SLC15A5: variants seen among roughly 807,000 people sequenced by gnomAD.
SLC15A5 encodes the protein solute carrier family 15 member 5.
A neutral mutation model predicts 56.1 loss-of-function variants in SLC15A5; 58 were observed. The ratio of observed to expected loss-of-function variants is 1.03; its 90% confidence interval spans 0.84 to 1.29. The LOEUF (loss-of-function observed/expected upper bound fraction) is 1.29, where lower values mean the gene tolerates loss of function less well. Among genes scored for constraint, SLC15A5 ranks in the 50% most tolerant of loss-of-function variants. SLC15A5 has a pLI of 0.00. For synonymous variants in SLC15A5, 264 were observed against 250.5 expected (o/e 1.05, Z -0.51); for missense variants, 681 against 672.1 (o/e 1.01, Z -0.15).
chr12:16,200,585 T>C (rs529298955), intron 7 of SLC15A5, among the ~76,000 whole-genome samples: 1 of 152,160 alleles, frequency 6.6e-6, no homozygotes, highest in East Asian at 1.9e-4. Flanking sequence ...CTTACAGAAG[T>C]TTCAATAACA....
Position 16,194,367 on chromosome 12 carries a change from C to T in SLC15A5, c.1570G>A (p.Gly524Arg), listed in dbSNP as rs1164936690. Residue 524 changes from glycine to arginine, a missense_variant, in exon 8 of 9, where the codon GGA (glycine) becomes AGA (arginine). Physicochemically the swap from Gly to Arg is moderately radical, Grantham distance 125. Coordinates refer to ENST00000344941, the MANE Select transcript of SLC15A5 (RefSeq NM_001170798.1). The part of the protein sequence containing the change: ...LASLTLLNVL[G>R]FCSVSQRYCN... Reference sequence around the variant, plus strand: ...TACCTTTGTGAAACACTGCAGAATCCCAGGACGTTCAACAATGTTAATGAT... The same window carrying T: ...TACCTTTGTGAAACACTGCAGAATCTCAGGACGTTCAACAATGTTAATGAT... 1 of 1,533,996 alleles carries T rather than the reference C, an allele frequency of 6.5e-7. No individual in the cohort carries two copies. The highest frequency in any genetic ancestry group is 1.2e-5 in the South Asian group (1 of 83,766).
chr12:16,233,826 A>G (rs1864322513), intron 5 of SLC15A5, among the ~76,000 whole-genome samples: 1 of 152,174 alleles, frequency 6.6e-6, no homozygotes, highest in South Asian at 2.1e-4. Context: ...CAGAATCTGC[A>G]TTTAAACTAG....
chr12:16,194,549 A>G, intron 7 of SLC15A5, 96 bp from the exon 8 acceptor site: 2 of 762,846 alleles, frequency 2.6e-6, no homozygotes, highest in Middle Eastern at 2.8e-4. Flanking sequence ...TGTTCGCTTC[A>G]GTAATATCCA....
At chr12:16,266,517 A>G (rs1397445851) in intron 2 of SLC15A5, among the ~76,000 whole-genome samples, 1 of 152,248 alleles carries the variant, frequency 6.6e-6, no homozygotes, top group Non-Finnish European at 1.5e-5. Context: ...ATGTATTTTA[A>G]CAAATGCCAC....
intron 7 of SLC15A5, among the ~76,000 whole-genome samples, chr12:16,197,189 G>A (rs1048988039): frequency 6.6e-6 from 1 of 151,760 alleles, no homozygotes; most frequent in African/African-American, 2.4e-5. Context: ...TTTTTAGCAT[G>A]TGGCTTTCTT....
At chr12:16,221,890 G>C (rs1315452952) in intron 6 of SLC15A5, among the ~76,000 whole-genome samples, 1 of 152,084 alleles carries the variant, frequency 6.6e-6, no homozygotes, top group Non-Finnish European at 1.5e-5. Flanking sequence ...TGAGAGGAAA[G>C]AGATGGATCT....
At chr12:16,245,607 T>A (rs1412884412) in intron 3 of SLC15A5, among the ~76,000 whole-genome samples, 2 of 152,198 alleles carry the variant, frequency 1.3e-5, no homozygotes, top group African/African-American at 4.8e-5. Context: ...AGGCAGCAGT[T>A]CAGCTGTGCT....
chr12:16,194,801 G>C (rs1863878049), intron 7 of SLC15A5, among the ~76,000 whole-genome samples: 1 of 152,124 alleles, frequency 6.6e-6, no homozygotes, highest in East Asian at 1.9e-4. Flanking sequence ...TTAGAACAGT[G>C]CCTGGCATGT....
intron 2 of SLC15A5, 58 bp from the exon 3 acceptor site, chr12:16,257,928 T>C: frequency 7.8e-7 from 1 of 1,285,238 alleles, no homozygotes; most frequent in South Asian, 2.4e-5. Context: ...AGATAACTAT[T>C]GCTAATTTTA....
At chr12:16,252,721 A>G (rs1864531785) in intron 3 of SLC15A5, among the ~76,000 whole-genome samples, 1 of 152,126 alleles carries the variant, frequency 6.6e-6, no homozygotes, top group African/African-American at 2.4e-5. Context: ...TAAAATGTCC[A>G]TACTAGCCAA....
At chr12:16,270,171 A>T (rs1196867711) in intron 2 of SLC15A5, among the ~76,000 whole-genome samples, 2 of 152,112 alleles carry the variant, frequency 1.3e-5, no homozygotes, top group Non-Finnish European at 2.9e-5. Context: ...TGGCAGCTTT[A>T]CTCGGAAGTG....
In SLC15A5 at chr12:16,234,471, C is replaced by T. The variant is rs74065817; in HGVS notation, c.1162+5210G>A. 6.2e-3 allele frequency among the ~76,000 whole-genome samples: 943 copies of T among 152,218 alleles called. 11 individuals are homozygous for T. The highest frequency in any genetic ancestry group is 0.019 in the African/African-American group (799 of 41,540). ...TAAAATTTAAAGCAAACTTTGATTC[C>T]GACCTAAATTTAATCCACTCCATTT... On this transcript the variant is annotated intron_variant, in intron 5 of 8. Coordinates refer to ENST00000344941, the MANE Select transcript of SLC15A5 (RefSeq NM_001170798.1).
At position 16,259,388 on chromosome 12, in the gene SLC15A5, T is replaced by C. The variant is rs372633903; in HGVS notation, c.585-1518A>G. ...CTTCCTTCCTTCCTTGTTCCTTCCT[T>C]CTTTCCTTCCTTCGTCCCTCCCTCC... On this transcript the variant is annotated intron_variant, in intron 2 of 8. Coordinates refer to ENST00000344941, the MANE Select transcript of SLC15A5 (RefSeq NM_001170798.1). 6.9e-4 allele frequency among the ~76,000 whole-genome samples: 104 copies of C among 151,550 alleles called. 1 individual carries two copies. The South Asian group carries it at 0.021, about 31-fold the overall frequency.
At chr12:16,211,499 CT>C (rs11354679) in intron 7 of SLC15A5, among the ~76,000 whole-genome samples, 151,412 of 152,054 alleles carry the variant, frequency 1, 75,390 homozygotes, top group Middle Eastern at 1. Context: ...CCAATTATCC[CT>C]TTTTTTTTCT....
At chr12:16,276,825 A>G (rs1283771090) in intron 1 of SLC15A5, among the ~76,000 whole-genome samples, 2 of 152,072 alleles carry the variant, frequency 1.3e-5, no homozygotes, top group East Asian at 3.9e-4. Context: ...ATATAATCAT[A>G]GTTAAAAATA....
At position 16,194,718 on chromosome 12, in the gene SLC15A5, A is replaced by C. The variant is rs118122209; in HGVS notation, c.1484-265T>G. Among the ~76,000 whole-genome samples, 245 of 152,200 alleles carry C rather than the reference A, an allele frequency of 1.6e-3. 6 individuals carry two copies. In the East Asian group the frequency reaches 0.027, roughly 17 times the overall value. The stretch of plus-strand genomic sequence containing the variant: ...TAGGTGTCAGAAGAACTGGGTTGTA[A>C]AGGTAATCCTGACTATTCCATTAAC... On this transcript the variant is annotated intron_variant, in intron 7 of 8. Transcript: ENST00000344941.
At chr12:16,194,810 G>T (rs1426573353) in intron 7 of SLC15A5, among the ~76,000 whole-genome samples, 1 of 152,032 alleles carries the variant, frequency 6.6e-6, no homozygotes, top group Non-Finnish European at 1.5e-5. Flanking sequence ...TGCCTGGCAT[G>T]TGGGGATTAT....
intron 3 of SLC15A5, among the ~76,000 whole-genome samples, chr12:16,254,297 T>A (rs140140196): frequency 6.6e-6 from 1 of 152,008 alleles, no homozygotes; most frequent in Non-Finnish European, 1.5e-5. Flanking sequence ...AAACAGAAAG[T>A]AGAAAAGCAT....
intron 2 of SLC15A5, among the ~76,000 whole-genome samples, chr12:16,266,677 C>T (rs1466789784): frequency 6.6e-6 from 1 of 152,028 alleles, no homozygotes; most frequent in African/African-American, 2.4e-5. Flanking sequence ...GAAATAAAAA[C>T]CCACAGTCTT....
Sources: allele counts gnomAD v4.1 joint callset (sites outside exome capture counted in the v4.1 genomes callset), GRCh38; gene constraint gnomAD v4.1.1; transcripts MANE v1.5; gene names NCBI Gene and HGNC (gene_info 2026-07-23, HGNC 2026-07-21).